The following PTPRD variants were observed in gnomAD, a reference collection of about 807,000 sequenced individuals.
The protein encoded by PTPRD is receptor-type tyrosine-protein phosphatase delta.
In PTPRD, 34 loss-of-function variants were observed where a neutral mutation model predicts 214.5. The ratio of observed to expected loss-of-function variants is 0.16; its 90% CI spans 0.12 to 0.21. PTPRD has a LOEUF of 0.21. Among genes scored for constraint, PTPRD ranks in the 10% least tolerant of loss-of-function variants. The pLI, the probability that PTPRD is intolerant of heterozygous loss-of-function variation, is 1.00. For synonymous variants in PTPRD, 1,128 were observed against 845.7 expected (o/e 1.33, Z -5.79); for missense variants, 2,545 against 2,398.7 (o/e 1.06, Z -1.27).
intron 3 of PTPRD, among the ~76,000 whole-genome samples, chr9:10,322,806 T>A (rs911048906): frequency 6.6e-6 from 1 of 151,938 alleles, no homozygotes; most frequent in South Asian, 2.1e-4. Flanking sequence ...CATTTGGACC[T>A]GGGAAAGGTG....
rs1207163405 is a variant in PTPRD, at chr9:8,341,707, C to T, written c.4933G>A (p.Glu1645Lys). Reference sequence around the variant, plus strand: ...CAATACCATACCTTAAATTCGAGCTCCATTCCTGTGACATTCTCTCCCGTT... The same window carrying T: ...CAATACCATACCTTAAATTCGAGCTTCATTCCTGTGACATTCTCTCCCGTT... The part of the protein sequence containing the change: ...IETGENVTGM[E>K]LEFKRLASSK... The change falls in exon 40 of 46, where the codon GAG becomes AAG. Residue 1645 changes from glutamate to lysine, a missense_variant. By Grantham distance (56) the Glu-to-Lys change is moderately conservative. Coordinates refer to ENST00000381196, the MANE Select transcript of PTPRD (RefSeq NM_002839.4). 6.2e-7 allele frequency: 1 copy of T among 1,613,340 alleles called. No individual in the cohort carries two copies. Among genetic ancestry groups the T allele is most frequent in the Non-Finnish European group, 8.5e-7 (1 of 1,179,624 alleles).
intron 2 of PTPRD, among the ~76,000 whole-genome samples, chr9:10,483,958 A>C (rs1009845671): frequency 6.6e-6 from 1 of 152,128 alleles, no homozygotes; most frequent in African/African-American, 2.4e-5. Context: ...TCATCATATC[A>C]AAAAACATTC....
chr9:10,234,649 TA>T (rs2099623082), intron 3 of PTPRD, among the ~76,000 whole-genome samples: 1 of 151,972 alleles, frequency 6.6e-6, no homozygotes, highest in Non-Finnish European at 1.5e-5. Flanking sequence ...TTCAAAGCTA[TA>T]AAAGTTGTTA....
chr9:8,948,791 A>C (rs1335984971), intron 11 of PTPRD, among the ~76,000 whole-genome samples: 1 of 150,942 alleles, frequency 6.6e-6, no homozygotes, highest in Non-Finnish European at 1.5e-5. Context: ...AGAAACACAA[A>C]AGGATGGATG....
At chr9:10,127,293 A>G (rs112407722) in intron 3 of PTPRD, among the ~76,000 whole-genome samples, 5 of 152,324 alleles carry the variant, frequency 3.3e-5, no homozygotes, top group African/African-American at 9.6e-5. Context: ...ATGGCCCACA[A>G]GACATTTCTT....
intron 2 of PTPRD, among the ~76,000 whole-genome samples, chr9:10,450,100 C>T (rs1343266670): frequency 6.6e-6 from 1 of 151,734 alleles, no homozygotes; most frequent in African/African-American, 2.4e-5. Context: ...GACACAAACA[C>T]TGCGGAAGGC....
intron 6 of PTPRD, among the ~76,000 whole-genome samples, chr9:9,749,792 C>G (rs760064237): frequency 1.3e-5 from 2 of 152,158 alleles, no homozygotes; most frequent in Non-Finnish European, 2.9e-5. Context: ...TAGAACAACT[C>G]TCAGGTTAGT....
intron 4 of PTPRD, among the ~76,000 whole-genome samples, chr9:10,009,040 G>A (rs1279632344): frequency 6.6e-6 from 1 of 151,714 alleles, no homozygotes; most frequent in Non-Finnish European, 1.5e-5. Flanking sequence ...AATGAAGCAT[G>A]GAAACAGGTT....
chr9:10,120,209 G>A (rs1591655249), intron 3 of PTPRD, among the ~76,000 whole-genome samples: 1 of 151,580 alleles, frequency 6.6e-6, no homozygotes, highest in South Asian at 2.1e-4. Context: ...TGAATTACTT[G>A]CATTATTTCA....
At chr9:9,989,895 G>A (rs985101448) in intron 4 of PTPRD, among the ~76,000 whole-genome samples, 22 of 152,224 alleles carry the variant, frequency 1.4e-4, no homozygotes, top group East Asian at 5.8e-4. Context: ...CACCCTCCCC[G>A]CTACCTCCAC....
At chr9:8,987,259 A>G (rs1052547617) in intron 11 of PTPRD, among the ~76,000 whole-genome samples, 3 of 152,056 alleles carry the variant, frequency 2.0e-5, no homozygotes, top group Admixed American at 6.6e-5. Flanking sequence ...GGTGAAAGGT[A>G]TGTGTGAGTG....
intron 5 of PTPRD, among the ~76,000 whole-genome samples, chr9:9,849,260 T>G (rs955505931): frequency 2.1e-4 from 32 of 151,908 alleles, no homozygotes; most frequent in Non-Finnish European, 1.5e-5. Flanking sequence ...ACAAGCTGTA[T>G]AAGGAGAGCT....
chr9:9,364,706 G>T (rs944904774), intron 9 of PTPRD, among the ~76,000 whole-genome samples: 2 of 151,512 alleles, frequency 1.3e-5, no homozygotes, highest in Non-Finnish European at 3.0e-5. Flanking sequence ...GCAAGGAAAG[G>T]TCCCATTTAT....
intron 9 of PTPRD, among the ~76,000 whole-genome samples, chr9:9,274,341 T>C (rs554364215): frequency 5.9e-5 from 9 of 151,556 alleles, no homozygotes; most frequent in Admixed American, 5.3e-4. Context: ...AAGTACAGCA[T>C]GCATTCACGT....
intron 6 of PTPRD, among the ~76,000 whole-genome samples, chr9:9,759,865 T>C (rs2098635984): frequency 6.6e-6 from 1 of 152,164 alleles, no homozygotes. Flanking sequence ...CCAAGGTCTG[T>C]CTGAAATGAT....
In PTPRD at chr9:9,737,814, G is replaced by C. The variant is rs1196135686; in HGVS notation, c.-325-3243C>G. 2.0e-5 allele frequency among the ~76,000 whole-genome samples: 3 copies of C among 152,016 alleles called. No individual in the cohort carries two copies. In the East Asian group the frequency reaches 5.8e-4, roughly 29 times the overall value. On this transcript the variant is annotated intron_variant, in intron 6 of 45. Coordinates refer to ENST00000381196, the MANE Select transcript of PTPRD (RefSeq NM_002839.4). ...TGAACATTCCTATATGTGTTTTCTT[G>C]TGTGAACATTTGTTTACAGTCCTCC...
At chr9:9,656,644 T>C (rs1456402159) in intron 7 of PTPRD, among the ~76,000 whole-genome samples, 1 of 152,132 alleles carries the variant, frequency 6.6e-6, no homozygotes, top group Non-Finnish European at 1.5e-5. Context: ...AGGTAGAACA[T>C]GGAGGATTTT....
Position 8,604,222 on chromosome 9 carries a change from T to A in PTPRD, c.352+29095A>T, listed in dbSNP as rs556276560. 7.8e-4 allele frequency among the ~76,000 whole-genome samples: 119 copies of A among 152,224 alleles called. 1 individual carries two copies. Among genetic ancestry groups the A allele is most frequent in the South Asian group, 6.8e-3 (33 of 4,818 alleles). The stretch of plus-strand genomic sequence containing the variant: ...GACCCATGCATGAAGTAAAACACAA[T>A]GCTTTAAGGTATAGTCGAGGAAAGA... On this transcript the variant is annotated intron_variant, in intron 14 of 45. Coordinates refer to ENST00000381196, the MANE Select transcript of PTPRD (RefSeq NM_002839.4).
At chr9:9,908,626 A>G (rs1386052705) in intron 5 of PTPRD, among the ~76,000 whole-genome samples, 3 of 152,064 alleles carry the variant, frequency 2.0e-5, no homozygotes, top group Admixed American at 6.6e-5. Context: ...TTAGTTGTCT[A>G]TGCAGTCTTT....
Sources: allele counts gnomAD v4.1 joint callset (sites outside exome capture counted in the v4.1 genomes callset), GRCh38; gene constraint gnomAD v4.1.1; transcripts MANE v1.5; gene names NCBI Gene and HGNC (gene_info 2026-07-23, HGNC 2026-07-21).